The following GALNT13 variants were observed in gnomAD, a reference collection of about 807,000 sequenced individuals.
GALNT13 encodes polypeptide N-acetylgalactosaminyltransferase 13.
A neutral mutation model predicts 64.2 loss-of-function variants in GALNT13; 28 were observed. That is an observed-to-expected ratio of 0.44 (90% CI 0.32 to 0.60). GALNT13 has a LOEUF of 0.60. GALNT13 is among the 20% of genes least tolerant of loss of function. The pLI is 0.05. For missense variants in GALNT13, 577 were observed against 669.8 expected (o/e 0.86, Z 1.53); for synonymous variants, 214 against 224.6 (o/e 0.95, Z 0.42).
the GALNT13 span, among the ~76,000 whole-genome samples, chr2:153,753,302 T>A: frequency 6.6e-6 from 1 of 152,198 alleles, no homozygotes. Context: ...TTGATACTTA[T>A]AGATGTTCAT....
Position 154,008,428 on chromosome 2 carries a change from T to A in GALNT13, c.142+63789T>A, listed in dbSNP as rs1001281586. 5.9e-5 allele frequency among the ~76,000 whole-genome samples: 9 copies of A among 152,284 alleles called. No individual in the cohort carries two copies. In the East Asian group the frequency reaches 1.7e-3, roughly 29 times the overall value. On this transcript the variant is annotated intron_variant, in intron 3 of 12. Transcript: ENST00000392825. ...GGGGTTACTTTTTATTATATTTTATTTTTTAAAATCTTTCATTTTAGGTTT... is the reference window on the plus strand; with the variant it reads ...GGGGTTACTTTTTATTATATTTTATATTTTAAAATCTTTCATTTTAGGTTT...
chr2:154,178,241 A>G (rs1372068374), intron 4 of GALNT13, among the ~76,000 whole-genome samples: 5 of 152,172 alleles, frequency 3.3e-5, no homozygotes, highest in Non-Finnish European at 5.9e-5. Context: ...TCACCAGGCT[A>G]TGCCAAATTG....
chr2:153,999,639 A>G (rs571567856), intron 3 of GALNT13, among the ~76,000 whole-genome samples: 1 of 152,152 alleles, frequency 6.6e-6, no homozygotes, highest in South Asian at 2.1e-4. Flanking sequence ...TGTATGATGA[A>G]CCATCCTTTC....
chr2:154,082,610 G>A (rs186015077), intron 3 of GALNT13, among the ~76,000 whole-genome samples: 1 of 151,752 alleles, frequency 6.6e-6, no homozygotes, highest in Admixed American at 6.6e-5. Context: ...TTTCTGAGTT[G>A]GAGAAAGAGC....
intron 3 of GALNT13, among the ~76,000 whole-genome samples, chr2:153,973,187 C>T (rs907061370): frequency 3.3e-5 from 5 of 151,768 alleles, no homozygotes; most frequent in African/African-American, 9.7e-5. Context: ...TAGTAGAGGC[C>T]AAGATAAAAC....
the GALNT13 span, among the ~76,000 whole-genome samples, chr2:153,245,592 T>C: frequency 2.0e-5 from 3 of 151,836 alleles, no homozygotes; most frequent in African/African-American, 4.8e-5. Flanking sequence ...AACAACAATA[T>C]CAACAGAAAA....
the GALNT13 span, among the ~76,000 whole-genome samples, chr2:153,259,686 T>A: frequency 7.0e-4 from 106 of 152,314 alleles, no homozygotes; most frequent in African/African-American, 2.4e-3. Flanking sequence ...GACTTGCCTT[T>A]GTTCTTCCTT....
At chr2:154,283,690 CACAT>C (rs3078701) in intron 8 of GALNT13, among the ~76,000 whole-genome samples, 2,906 of 151,958 alleles carry the variant, frequency 0.019, 66 homozygotes, top group African/African-American at 0.058. Context: ...AATACACACA[CACAT>C]ACACACATCT....
At chr2:154,267,338 T>A (rs951185521) in intron 8 of GALNT13, among the ~76,000 whole-genome samples, 4 of 152,022 alleles carry the variant, frequency 2.6e-5, no homozygotes, top group African/African-American at 7.2e-5. Flanking sequence ...TCATTAAAAT[T>A]TAAAAACTTG....
chr2:153,633,806 G>A, the GALNT13 span, among the ~76,000 whole-genome samples: 13 of 152,102 alleles, frequency 8.5e-5, no homozygotes, highest in African/African-American at 4.8e-5. Flanking sequence ...CTGTATAAAA[G>A]CCTCTGCATT....
intron 2 of GALNT13, among the ~76,000 whole-genome samples, chr2:153,935,822 C>G (rs1192544757): frequency 2.0e-5 from 3 of 152,184 alleles, no homozygotes. Flanking sequence ...AACCCATCCT[C>G]TTCCCCACAA....
intron 6 of GALNT13, among the ~76,000 whole-genome samples, chr2:154,243,866 C>T (rs184148413): frequency 6.6e-6 from 1 of 152,276 alleles, no homozygotes; most frequent in East Asian, 1.9e-4. Context: ...AGTCCAGCCA[C>T]ATCACTTAAA....
At chr2:154,449,415 G>T (rs1701759869) in intron 12 of GALNT13, among the ~76,000 whole-genome samples, 5 of 105,778 alleles carry the variant, frequency 4.7e-5, no homozygotes, top group Admixed American at 3.0e-4. Flanking sequence ...TTTCAATGTA[G>T]TATCATGAGC....
the GALNT13 span, among the ~76,000 whole-genome samples, chr2:153,719,597 G>A: frequency 1.3e-5 from 2 of 152,248 alleles, no homozygotes; most frequent in African/African-American, 4.8e-5. Flanking sequence ...CAGGCCAGTG[G>A]GTGCGCGCAC....
chr2:153,366,312 A>G, the GALNT13 span, among the ~76,000 whole-genome samples: 1 of 152,234 alleles, frequency 6.6e-6, no homozygotes, highest in East Asian at 1.9e-4. Flanking sequence ...AACCTAGATG[A>G]TGGGCTGATA....
At chr2:154,375,493 A>G (rs1205459576) in intron 9 of GALNT13, among the ~76,000 whole-genome samples, 1 of 152,126 alleles carries the variant, frequency 6.6e-6, no homozygotes, top group Non-Finnish European at 1.5e-5. Context: ...GCTTGCTTCC[A>G]AGGAACGATA....
the GALNT13 span, among the ~76,000 whole-genome samples, chr2:153,238,718 T>A: frequency 6.6e-6 from 1 of 152,142 alleles, no homozygotes. Context: ...AGTATCATGC[T>A]GTTTTGGTTA....
chr2:153,814,854 G>T, the GALNT13 span, among the ~76,000 whole-genome samples: 113 of 152,224 alleles, frequency 7.4e-4, no homozygotes, highest in African/African-American at 2.6e-3. Flanking sequence ...ACACAGTTTT[G>T]CTCATTCTTT....
chr2:153,706,113 C>T, the GALNT13 span, among the ~76,000 whole-genome samples: 1 of 152,078 alleles, frequency 6.6e-6, no homozygotes, highest in Non-Finnish European at 1.5e-5. Context: ...TCTCCTGCCT[C>T]AGCCTCCACA....
Sources: allele counts gnomAD v4.1 joint callset (sites outside exome capture counted in the v4.1 genomes callset), GRCh38; gene constraint gnomAD v4.1.1; transcripts MANE v1.5; gene names NCBI Gene and HGNC (gene_info 2026-07-23, HGNC 2026-07-21).